Variants in PDGFRL observed in about 807,000 individuals in gnomAD.
PDGFRL encodes the protein platelet-derived growth factor receptor-like protein.
In PDGFRL, 46 loss-of-function variants were observed where a neutral mutation model predicts 37.2. That is an observed-to-expected ratio of 1.24 (90% CI 0.98 to 1.58). PDGFRL has a LOEUF of 1.58. Ranked by LOEUF, PDGFRL falls within the 40% of genes most tolerant of loss-of-function variation. The probability of loss-of-function intolerance (pLI) is 0.00; values close to 1 mark genes in which losing one functional copy is unlikely to be tolerated. For missense variants in PDGFRL, 692 were observed against 467.6 expected, an observed-to-expected ratio of 1.48 and a Z score of -4.43; for synonymous variants, 251 against 184.3, an observed-to-expected ratio of 1.36 and a Z score of -2.93.
At position 17,634,179 on chromosome 8, in the gene PDGFRL, A is replaced by C; in HGVS notation, c.905A>C (p.Glu302Ala). Residue 302 changes from glutamate to alanine, a missense_variant, in exon 5 of 6, where the codon GAG becomes GCG. By Grantham distance (107) the Glu-to-Ala change is moderately radical. Transcript: ENST00000251630. Reference protein sequence around the residue: ...LCTVLGEPDVEVEFTWIFPGQ... With the variant: ...LCTVLGEPDVAVEFTWIFPGQ... ...ACTGTCCTGGGGGAGCCCGATGTGG[A>C]GGTGGAGTTCACCTGGATCTTCCCA... The C allele has an allele frequency of 6.2e-7, 1 of 1,613,436 alleles. No individual in the cohort carries two copies.
intron 2 of PDGFRL, among the ~76,000 whole-genome samples, chr8:17,604,617 G>A (rs1442053540): frequency 6.6e-6 from 1 of 152,080 alleles, no homozygotes; most frequent in East Asian, 1.9e-4. Context: ...GATAGCATTA[G>A]GAGATATACC....
chr8:17,624,711 C>G (rs1261960998), intron 3 of PDGFRL, among the ~76,000 whole-genome samples: 1 of 152,196 alleles, frequency 6.6e-6, no homozygotes, highest in African/African-American at 2.4e-5. Context: ...GAGTTCAAGA[C>G]CAGCCTAACC....
At chr8:17,595,598 G>A (rs151262910) in intron 2 of PDGFRL, among the ~76,000 whole-genome samples, 5 of 152,294 alleles carry the variant, frequency 3.3e-5, no homozygotes, top group Non-Finnish European at 5.9e-5. Flanking sequence ...GGGTCTCTGC[G>A]TGGCTGAGCC....
At chr8:17,641,889 A>G (rs537477636) in intron 5 of PDGFRL, among the ~76,000 whole-genome samples, 18 of 52,434 alleles carry the variant, frequency 3.4e-4, no homozygotes, top group Admixed American at 2.0e-3. Context: ...ATGATTTTCA[A>G]TAGAGGTCCC....
intron 3 of PDGFRL, among the ~76,000 whole-genome samples, chr8:17,625,925 G>A (rs575407768): frequency 6.6e-6 from 1 of 152,214 alleles, no homozygotes; most frequent in South Asian, 2.1e-4. Flanking sequence ...AGCCCTGGAG[G>A]TTGAAACTGC....
At chr8:17,642,425 GA>G in intron 5 of PDGFRL, among the ~76,000 whole-genome samples, 187 bp from the exon 6 acceptor site, 1 of 152,290 alleles carries the variant, frequency 6.6e-6, no homozygotes, top group Admixed American at 6.5e-5. Flanking sequence ...GGGCTGTTTG[GA>G]AAAAATGCAA....
At chr8:17,635,308 A>G (rs1034634132) in intron 5 of PDGFRL, among the ~76,000 whole-genome samples, 2 of 151,876 alleles carry the variant, frequency 1.3e-5, no homozygotes, top group Non-Finnish European at 2.9e-5. Context: ...TTTCCCCTGA[A>G]TCCCCAAAGT....
chr8:17,636,888 G>T (rs1316972150), intron 5 of PDGFRL, among the ~76,000 whole-genome samples: 2 of 152,086 alleles, frequency 1.3e-5, no homozygotes, highest in African/African-American at 4.8e-5. Context: ...TATAAAAGGG[G>T]TTGAGTTATT....
intron 4 of PDGFRL, among the ~76,000 whole-genome samples, chr8:17,632,070 G>C (rs1222861480): frequency 1.3e-5 from 2 of 152,140 alleles, no homozygotes; most frequent in African/African-American, 4.8e-5. Flanking sequence ...ATCCTCCCTG[G>C]ACCTGGTTCT....
rs746162691 is a variant in PDGFRL at position 17,634,092 on chromosome 8, C to T, written c.818C>T (p.Ser273Leu). Reference sequence around the variant, plus strand: ...CTTCCAGTTCCCAGTGGCCCTCCCTCAACAACCATCTTGGCTTCTTCAAAC... The same window carrying T: ...CTTCCAGTTCCCAGTGGCCCTCCCTTAACAACCATCTTGGCTTCTTCAAAC... ...LYVAVPSGPPSTTILASSNKV... is the reference protein window; with the variant it reads ...LYVAVPSGPPLTTILASSNKV... Residue 273 changes from serine to leucine, a missense_variant, in exon 5 of 6, where the codon TCA becomes TTA. Coordinates refer to ENST00000251630, the MANE Select transcript of PDGFRL (RefSeq NM_001372073.1). 1.9e-6 allele frequency: 3 copies of T among 1,614,094 alleles called. No homozygotes were observed. Among genetic ancestry groups the T allele is most frequent in the East Asian group, 2.2e-5 (1 of 44,882 alleles).
At chr8:17,633,296 T>C (rs1023398503) in intron 4 of PDGFRL, among the ~76,000 whole-genome samples, 4 of 152,114 alleles carry the variant, frequency 2.6e-5, no homozygotes, top group Admixed American at 2.6e-4. Context: ...CATACCTTAA[T>C]CCTAGCTACT....
chr8:17,616,092 C>G (rs1171548246), intron 2 of PDGFRL, among the ~76,000 whole-genome samples: 1 of 152,122 alleles, frequency 6.6e-6, no homozygotes, highest in Non-Finnish European at 1.5e-5. Flanking sequence ...GCTAAGGACT[C>G]TGAAGGTCAT....
At chr8:17,609,925 C>T (rs1322289875) in intron 2 of PDGFRL, among the ~76,000 whole-genome samples, 1 of 152,038 alleles carries the variant, frequency 6.6e-6, no homozygotes, top group Non-Finnish European at 1.5e-5. Flanking sequence ...GAAGATTTAC[C>T]ATCAAAGTGG....
At chr8:17,641,896 T>TCCCCCCCCCCCCCCCCCCCC (rs144394170) in intron 5 of PDGFRL, among the ~76,000 whole-genome samples, 10 of 103,948 alleles carry the variant, frequency 9.6e-5, no homozygotes, top group Non-Finnish European at 1.3e-4. Context: ...TCAATAGAGG[T>TCCCCCCCCCCCCCCCCCCCC]CCCCGCCACA....
At chr8:17,637,738 A>G (rs1038682307) in intron 5 of PDGFRL, among the ~76,000 whole-genome samples, 5 of 152,092 alleles carry the variant, frequency 3.3e-5, no homozygotes, top group South Asian at 2.1e-4. Flanking sequence ...TACCATTTCA[A>G]TCTCACTGCT....
Position 17,640,453 on chromosome 8 carries a change from T to G in PDGFRL, c.940-2160T>G, listed in dbSNP as rs142521203. Among the ~76,000 whole-genome samples the G allele has an allele frequency of 4.3e-4, 65 of 152,322 alleles. No individual in the cohort carries two copies. In the East Asian group the frequency reaches 9.5e-3, roughly 22 times the overall value. The stretch of plus-strand genomic sequence containing the variant: ...GGCTCAAGGGCTGCTCTTCATATTC[T>G]TTTGTCCCATGGGGTGCTCTCTTGA... On this transcript the variant is annotated intron_variant, in intron 5 of 5. Transcript: ENST00000251630.
chr8:17,639,522 CCTT>C (rs755490510), intron 5 of PDGFRL, among the ~76,000 whole-genome samples: 9 of 152,214 alleles, frequency 5.9e-5, no homozygotes, highest in East Asian at 5.8e-4. Flanking sequence ...CTGTATCTCT[CCTT>C]CATTTATGAA....
intron 2 of PDGFRL, among the ~76,000 whole-genome samples, chr8:17,595,460 G>T (rs1804032929): frequency 6.6e-6 from 1 of 152,128 alleles, no homozygotes; most frequent in African/African-American, 2.4e-5. Context: ...GATCCCGTAG[G>T]ATCTCTAAAA....
chr8:17,591,185 T>A (rs1421200788), intron 2 of PDGFRL, among the ~76,000 whole-genome samples: 3 of 152,114 alleles, frequency 2.0e-5, no homozygotes, highest in Non-Finnish European at 2.9e-5. Flanking sequence ...CCTGGCTGCT[T>A]CTGATTATTT....
Sources: gnomAD v4.1 joint callset for allele counts (sites outside exome capture counted in the v4.1 genomes callset) on GRCh38, gnomAD v4.1.1 for gene constraint, MANE v1.5 for transcripts, NCBI Gene and HGNC (gene_info 2026-07-23, HGNC 2026-07-21) for gene names.